TVP23A: variants seen among roughly 807,000 people sequenced by gnomAD.
TVP23A encodes Golgi apparatus membrane protein TVP23 homolog A.
A neutral mutation model predicts 31.7 loss-of-function variants in TVP23A; 21 were observed. That is an observed-to-expected ratio of 0.66 (90% CI 0.47 to 0.95). The LOEUF is 0.95. Ranked by LOEUF, TVP23A falls within the 40% of genes least tolerant of loss-of-function variation. TVP23A has a pLI of 0.00. For missense variants in TVP23A, 279 were observed against 255.6 expected (o/e 1.09, Z -0.62); for synonymous variants, 104 against 96.0 (o/e 1.08, Z -0.49).
In TVP23A at chr16:10,770,448, T is replaced by A; in HGVS notation, c.583-117A>T. 5 of 1,167,418 alleles carry A rather than the reference T, an allele frequency of 4.3e-6. No homozygotes were observed. The South Asian group carries it at 7.7e-5, about 18-fold the overall frequency. 72.3% of individuals were successfully genotyped at this position (1,167,418 alleles called of 1,614,324 possible). ...CAGAAAACCTGCGGAATTGGTTGCT[T>A]GATGTCTTGGCATAAAGCAGTGCTG... On this transcript the variant is annotated intron_variant, in intron 6 of 7. Coordinates refer to ENST00000299866, the MANE Select transcript of TVP23A (RefSeq NM_001079512.4).
chr16:10,807,361 G>A (rs943333115), intron 2 of TVP23A, among the ~76,000 whole-genome samples: 2 of 152,130 alleles, frequency 1.3e-5, no homozygotes, highest in South Asian at 4.1e-4. Flanking sequence ...GGCTTCTCTT[G>A]GGTCAATGTC....
chr16:10,803,974 T>C (rs1440626818), intron 2 of TVP23A, among the ~76,000 whole-genome samples: 3 of 152,236 alleles, frequency 2.0e-5, no homozygotes, highest in Non-Finnish European at 4.4e-5. Flanking sequence ...ATTCATGATA[T>C]ATGAAATCTA....
intron 2 of TVP23A, among the ~76,000 whole-genome samples, chr16:10,796,055 T>C (rs1326994732): frequency 6.6e-6 from 1 of 151,866 alleles, no homozygotes. Flanking sequence ...AATAAAAAAA[T>C]TTAAAAGATG....
rs1044149371 is a variant in TVP23A, at chr16:10,784,328, C to CA, written c.90-9233dup. On this transcript the variant is annotated intron_variant, in intron 2 of 7. Coordinates refer to ENST00000299866, the MANE Select transcript of TVP23A (RefSeq NM_001079512.4). ...TAGGCGACAGAGCAAGACTCTGTCT[C>CA]AAAAAAAAGAAAAAATATCAACCTG... Among the ~76,000 whole-genome samples the CA allele has an allele frequency of 1.4e-4, 19 of 139,150 alleles. No homozygotes were observed. The Middle Eastern group carries it at 0.011, about 79-fold the overall frequency. The allele number at this position is 139,150 out of a possible 152,430, so 91.3% of individuals were successfully genotyped here. A position where few individuals can be genotyped will look rare whatever the true frequency, so the allele number is the denominator to read the frequency against.
intron 2 of TVP23A, among the ~76,000 whole-genome samples, chr16:10,812,630 A>G (rs528177154): frequency 1.6e-4 from 24 of 152,334 alleles, no homozygotes; most frequent in African/African-American, 5.5e-4. Flanking sequence ...ACGTTATGCT[A>G]AGTGAAGTAA....
chr16:10,784,546 G>A (rs1188346920), intron 2 of TVP23A, among the ~76,000 whole-genome samples: 1 of 149,916 alleles, frequency 6.7e-6, no homozygotes, highest in Non-Finnish European at 1.5e-5. Flanking sequence ...GGGCAACAGA[G>A]CAAGACCTTG....
downstream of TVP23A, among the ~76,000 whole-genome samples, chr16:10,763,172 G>A (rs1486464869): frequency 6.6e-6 from 1 of 152,162 alleles, no homozygotes; most frequent in Non-Finnish European, 1.5e-5. Context: ...GGGTGCTGCG[G>A]CTAAGGGGCT....
downstream of TVP23A, among the ~76,000 whole-genome samples, chr16:10,759,037 G>A (rs568375244): frequency 7.9e-5 from 12 of 152,280 alleles, no homozygotes; most frequent in South Asian, 1.2e-3. This position sits in a 1 kb window ranked among gnomAD's most constrained non-coding sequence, Gnocchi z 4.7. Flanking sequence ...TCTTCATGAC[G>A]TTCTCCTCCA....
chr16:10,818,572 G>A lies in TVP23A; in HGVS notation c.-79C>T. Reference sequence around the variant, plus strand: ...TCGCCGCTGAAGGGGTCGGACGCCGGGCGGGCGGATGTAGGCAGCAGACGG... The same window carrying A: ...TCGCCGCTGAAGGGGTCGGACGCCGAGCGGGCGGATGTAGGCAGCAGACGG... On this transcript the variant is annotated 5_prime_UTR_variant, in exon 1 of 8. Coordinates refer to ENST00000299866, the MANE Select transcript of TVP23A (RefSeq NM_001079512.4). The surrounding 1 kb of genome is among the most constrained non-coding windows in gnomAD (Gnocchi z 4.7). 2 of 1,539,088 alleles carry A rather than the reference G, an allele frequency of 1.3e-6. No homozygotes were observed. The highest frequency in any genetic ancestry group is 2.4e-5 in the East Asian group (1 of 41,104).
In TVP23A at chr16:10,818,600, G is replaced by A. The variant is rs944715388; in HGVS notation, c.-107C>T. 2.1e-6 allele frequency: 3 copies of A among 1,402,926 alleles called. No individual in the cohort carries two copies. In the South Asian group the frequency reaches 4.0e-5, roughly 19 times the overall value. 86.9% of individuals were successfully genotyped at this position (1,402,926 alleles called of 1,614,324 possible). A position where few individuals can be genotyped will look rare whatever the true frequency, so the allele number is the denominator to read the frequency against. ...GGGCGGATGTAGGCAGCAGACGGTGGACGCTGAGGGTCGGGGCCTGCGCCC... is the reference window on the plus strand; with the variant it reads ...GGGCGGATGTAGGCAGCAGACGGTGAACGCTGAGGGTCGGGGCCTGCGCCC... On this transcript the variant is annotated 5_prime_UTR_variant, in exon 1 of 8. Coordinates refer to ENST00000299866, the MANE Select transcript of TVP23A (RefSeq NM_001079512.4). The surrounding 1 kb of genome is among the most constrained non-coding windows in gnomAD (Gnocchi z 4.7).
At chr16:10,780,322 G>A (rs1215574437) in intron 2 of TVP23A, among the ~76,000 whole-genome samples, 1 of 152,134 alleles carries the variant, frequency 6.6e-6, no homozygotes, top group South Asian at 2.1e-4. Flanking sequence ...TGTTTGTGGA[G>A]GCCTGGGGAG....
chr16:10,816,476 G>C (rs574060141), intron 2 of TVP23A, among the ~76,000 whole-genome samples: 1 of 152,128 alleles, frequency 6.6e-6, no homozygotes, highest in Non-Finnish European at 1.5e-5. Context: ...TGAGATTACA[G>C]GTGCATGCCA....
chr16:10,803,794 G>A (rs1254833509), intron 2 of TVP23A, among the ~76,000 whole-genome samples: 1 of 152,170 alleles, frequency 6.6e-6, no homozygotes, highest in Admixed American at 6.6e-5. Context: ...GCTAAGGAGA[G>A]ATGCCTTGTT....
At chr16:10,765,606 G>T (rs543000686), downstream of TVP23A, among the ~76,000 whole-genome samples, 3 of 152,332 alleles carry the variant, frequency 2.0e-5, no homozygotes, top group South Asian at 6.2e-4. This position sits in a 1 kb window ranked among gnomAD's most constrained non-coding sequence, Gnocchi z 4.0. Flanking sequence ...AGATCAGGAA[G>T]TGACCTTGGG....
intron 2 of TVP23A, among the ~76,000 whole-genome samples, chr16:10,797,798 C>G (rs1406046904): frequency 6.6e-6 from 1 of 151,648 alleles, no homozygotes; most frequent in African/African-American, 2.4e-5. Flanking sequence ...TGGTTTGCTT[C>G]AAAATGATCG....
chr16:10,777,611 C>T lies in TVP23A; in HGVS notation c.90-2515G>A, dbSNP rs898496682. On this transcript the variant is annotated intron_variant, in intron 2 of 7. Transcript: ENST00000299866. The surrounding 1 kb of genome is among the most constrained non-coding windows in gnomAD (Gnocchi z 4.5). Reference sequence around the variant, plus strand: ...ACAGTGACTTTTTTGCGTAGCAAAGCACCAACTATTCACCAGGATGGGTCT... The same window carrying T: ...ACAGTGACTTTTTTGCGTAGCAAAGTACCAACTATTCACCAGGATGGGTCT... 6.6e-6 allele frequency among the ~76,000 whole-genome samples: 1 copy of T among 152,232 alleles called. No homozygotes were observed. Among genetic ancestry groups the T allele is most frequent in the African/African-American group, 2.4e-5 (1 of 41,466 alleles).
At chr16:10,806,954 G>T (rs1396953784) in intron 2 of TVP23A, among the ~76,000 whole-genome samples, 2 of 152,210 alleles carry the variant, frequency 1.3e-5, no homozygotes, top group Non-Finnish European at 2.9e-5. Flanking sequence ...AATTTGTCTA[G>T]TTCCGTGATT....
At chr16:10,776,813 C>G (rs1202130637) in intron 2 of TVP23A, among the ~76,000 whole-genome samples, 1 of 152,152 alleles carries the variant, frequency 6.6e-6, no homozygotes, top group African/African-American at 2.4e-5. Context: ...TCATGCCTCC[C>G]CTTTTTCGAC....
At chr16:10,778,574 G>A (rs181013261) in intron 2 of TVP23A, among the ~76,000 whole-genome samples, 124 of 151,782 alleles carry the variant, frequency 8.2e-4, no homozygotes, top group Non-Finnish European at 1.4e-3. Flanking sequence ...AAGATTCTCC[G>A]CAAACATATT....
Sources: gnomAD v4.1 joint callset for allele counts (sites outside exome capture counted in the v4.1 genomes callset) on GRCh38, gnomAD v4.1.1 for gene constraint, Gnocchi (gnomAD v3.1) non-coding constraint, MANE v1.5 for transcripts, NCBI Gene and HGNC (gene_info 2026-07-23, HGNC 2026-07-21) for gene names.